Variants in TVP23C observed in about 807,000 individuals in gnomAD.
TVP23C encodes Golgi apparatus membrane protein TVP23 homolog C.
In TVP23C, 19 loss-of-function variants were observed where a neutral mutation model predicts 28.7. The observed-to-expected ratio is 0.66, with a 90% CI of 0.46 to 0.97. The LOEUF (loss-of-function observed/expected upper bound fraction) is 0.97, where lower values mean the gene tolerates loss of function less well. Ranked by LOEUF, TVP23C falls within the 50% of genes least tolerant of loss-of-function variation. The pLI is 0.00. For synonymous variants in TVP23C, 68 were observed against 81.7 expected (o/e 0.83, Z 0.90); for missense variants, 186 against 241.3 (o/e 0.77, Z 1.52).
intron 5 of TVP23C, among the ~76,000 whole-genome samples, chr17:15,513,562 C>A (rs1024469972): frequency 1.3e-5 from 2 of 152,182 alleles, no homozygotes; most frequent in African/African-American, 2.4e-5. Flanking sequence ...ATCTCTCAAG[C>A]CATCTAAAAA....
intron 5 of TVP23C, chr17:15,506,990 G>T: frequency 5.4e-6 from 7 of 1,293,812 alleles, no homozygotes; most frequent in Non-Finnish European, 7.7e-6. Flanking sequence ...CTAAGCACTG[G>T]AGAGAAAGGA....
exon 6 of TVP23C, chr17:15,502,800 CCTCTCTCTCCT>C: frequency 6.9e-7 from 1 of 1,456,502 alleles, no homozygotes; most frequent in Admixed American, 2.5e-5. Context: ...TCTCCTCTCT[CCTCTCTCTCCT>C]CTCTCTCTCT....
At chr17:15,561,784 A>G (rs1984410086) in intron 1 of TVP23C, among the ~76,000 whole-genome samples, 1 of 152,222 alleles carries the variant, frequency 6.6e-6, no homozygotes, top group Non-Finnish European at 1.5e-5. Flanking sequence ...GGGTAAAATG[A>G]GGCTGAAACC....
At chr17:15,553,151 A>C (rs1983969826) in intron 3 of TVP23C, among the ~76,000 whole-genome samples, 1 of 136,808 alleles carries the variant, frequency 7.3e-6, no homozygotes, top group Non-Finnish European at 1.6e-5. Context: ...CACTCCTCCC[A>C]CCTCCAGTCA....
intron 5 of TVP23C, among the ~76,000 whole-genome samples, chr17:15,503,771 G>C (rs1434442921): frequency 6.6e-6 from 1 of 152,166 alleles, no homozygotes; most frequent in Admixed American, 6.5e-5. Flanking sequence ...GGTTGTTATG[G>C]TTAGGAAAAG....
At chr17:15,543,990 A>G (rs1983534799) in intron 5 of TVP23C, among the ~76,000 whole-genome samples, 1 of 152,224 alleles carries the variant, frequency 6.6e-6, no homozygotes, top group Non-Finnish European at 1.5e-5. Flanking sequence ...GCAAAACTTT[A>G]GTCTGCCTGT....
At chr17:15,510,548 G>C (rs1026597760) in intron 5 of TVP23C, among the ~76,000 whole-genome samples, 26 of 152,150 alleles carry the variant, frequency 1.7e-4, no homozygotes, top group Non-Finnish European at 2.9e-4. Flanking sequence ...AGCTGGCTAA[G>C]AGCCCAGTTA....
chr17:15,560,115 A>C (rs1266172139), intron 1 of TVP23C, among the ~76,000 whole-genome samples: 1 of 149,270 alleles, frequency 6.7e-6, no homozygotes, highest in Non-Finnish European at 1.5e-5. Context: ...GCTGGAGTGC[A>C]ATGGTGTGAT....
At chr17:15,509,131 G>T (rs1981895534) in intron 5 of TVP23C, among the ~76,000 whole-genome samples, 1 of 152,228 alleles carries the variant, frequency 6.6e-6, no homozygotes, top group Admixed American at 6.5e-5. Context: ...CTGGCCCACA[G>T]CGCCTGTCTG....
chr17:15,558,294 A>G (rs1984222013), intron 1 of TVP23C, among the ~76,000 whole-genome samples: 1 of 141,976 alleles, frequency 7.0e-6, no homozygotes, highest in South Asian at 2.4e-4. Context: ...TGACTGAAAA[A>G]CAGACTCCCT....
chr17:15,553,386 T>C (rs985475297), intron 3 of TVP23C, among the ~76,000 whole-genome samples: 1 of 152,014 alleles, frequency 6.6e-6, no homozygotes, highest in Non-Finnish European at 1.5e-5. Flanking sequence ...AGAAGCAACA[T>C]TGTAGGGTCT....
At chr17:15,549,568 A>G (rs1983798573) in intron 3 of TVP23C, among the ~76,000 whole-genome samples, 1 of 152,016 alleles carries the variant, frequency 6.6e-6, no homozygotes, top group African/African-American at 2.4e-5. Flanking sequence ...AGTCTCAGCT[A>G]TCTAGGAGGG....
At chr17:15,513,901 G>A (rs1982108702) in intron 5 of TVP23C, among the ~76,000 whole-genome samples, 1 of 152,228 alleles carries the variant, frequency 6.6e-6, no homozygotes, top group Non-Finnish European at 1.5e-5. Context: ...GCATAGGGCA[G>A]AAGAAGCTGG....
chr17:15,553,912 T>C, intron 2 of TVP23C, 83 bp from the exon 3 acceptor site: 1 of 1,595,386 alleles, frequency 6.3e-7, no homozygotes, highest in South Asian at 1.1e-5. Context: ...GTTTTAGCCA[T>C]CGTGTAACTG....
intron 1 of TVP23C, among the ~76,000 whole-genome samples, chr17:15,556,655 C>T (rs1472431972): frequency 1.3e-5 from 2 of 152,160 alleles, no homozygotes; most frequent in Admixed American, 6.5e-5. Flanking sequence ...TGCCCGGCCC[C>T]ATAACCTTAG....
chr17:15,547,141 G>A lies in TVP23C; in HGVS notation c.248C>T (p.Thr83Ile). Residue 83 changes from threonine (T) to isoleucine (I), a missense_variant, in exon 4 of 6, where the codon ACA becomes ATA. By Grantham distance (89) the Thr-to-Ile change is moderately conservative. Coordinates refer to ENST00000518321, the MANE Select transcript of TVP23C (RefSeq NM_001135036.2). The stretch of plus-strand genomic sequence containing the variant: ...ACGTAGGCCAACCATTAGTCTACCT[G>A]TGACATTCTGGTGAAGATTAATATA... ...SCDFWAVKNVTGRLMVGLRWW... is the reference protein window; with the variant it reads ...SCDFWAVKNVIGRLMVGLRWW... The A allele has an allele frequency of 6.2e-7, 1 of 1,611,322 alleles. No homozygotes were observed. Among genetic ancestry groups the A allele is most frequent in the South Asian group, 1.1e-5 (1 of 90,450 alleles).
intron 3 of TVP23C, among the ~76,000 whole-genome samples, chr17:15,552,479 C>G (rs1983937281): frequency 6.6e-6 from 1 of 151,984 alleles, no homozygotes; most frequent in Admixed American, 6.6e-5. Context: ...GTCAGAAGTT[C>G]GAGACCAGCC....
chr17:15,530,430 TTCC>T (rs1982906009), intron 5 of TVP23C, among the ~76,000 whole-genome samples: 1 of 152,218 alleles, frequency 6.6e-6, no homozygotes, highest in African/African-American at 2.4e-5. Flanking sequence ...CTCTATTCCC[TTCC>T]TCCTCCTTTG....
At chr17:15,550,559 T>A (rs537854706) in intron 3 of TVP23C, among the ~76,000 whole-genome samples, 1 of 152,322 alleles carries the variant, frequency 6.6e-6, no homozygotes, top group Non-Finnish European at 1.5e-5. Flanking sequence ...TTTTGGCACT[T>A]TGGTTTGTTT....
Sources: allele counts gnomAD v4.1 joint callset (sites outside exome capture counted in the v4.1 genomes callset), GRCh38; gene constraint gnomAD v4.1.1; transcripts MANE v1.5; gene names NCBI Gene and HGNC (gene_info 2026-07-23, HGNC 2026-07-21).